The following LYPLAL1 variants were observed in gnomAD, a reference collection of about 807,000 sequenced individuals.
LYPLAL1 encodes lysophospholipase like 1, also known as lysophospholipase-like protein 1.
LYPLAL1 carries 23 observed loss-of-function variants against 19.7 expected under a neutral mutation model. The ratio of observed to expected loss-of-function variants is 1.17; its 90% CI spans 0.84 to 1.65. The LOEUF is 1.65. LYPLAL1 is among the 40% of genes most tolerant of loss of function. The pLI is 0.00. For missense variants in LYPLAL1, 355 were observed against 279.4 expected (o/e 1.27, Z -1.93); for synonymous variants, 119 against 96.3 (o/e 1.24, Z -1.38).
At chr1:219,210,976 G>T (rs1658988779) in intron 4 of LYPLAL1, among the ~76,000 whole-genome samples, 1 of 152,072 alleles carries the variant, frequency 6.6e-6, no homozygotes, top group South Asian at 2.1e-4. Context: ...TTTGCTTATT[G>T]CATCATGAAC....
At chr1:219,202,204 A>G (rs1423988509) in intron 3 of LYPLAL1, among the ~76,000 whole-genome samples, 1 of 152,194 alleles carries the variant, frequency 6.6e-6, no homozygotes, top group African/African-American at 2.4e-5. Context: ...TCTACCTTTT[A>G]AAGTTGTGGT....
chr1:219,234,986 G>A, the LYPLAL1 span, among the ~76,000 whole-genome samples: 2 of 151,952 alleles, frequency 1.3e-5, no homozygotes, highest in African/African-American at 4.8e-5. Context: ...AACAATCTGA[G>A]CCACTTAAAA....
At chr1:219,331,335 T>A in the LYPLAL1 span, among the ~76,000 whole-genome samples, 6 of 152,112 alleles carry the variant, frequency 3.9e-5, no homozygotes, top group Non-Finnish European at 7.4e-5. Context: ...CATTCCAAAC[T>A]CAGTAGCTTA....
chr1:219,367,180 A>T, the LYPLAL1 span, among the ~76,000 whole-genome samples: 1 of 152,142 alleles, frequency 6.6e-6, no homozygotes, highest in African/African-American at 2.4e-5. Context: ...AACAAAAGGC[A>T]TCATTCTATT....
the LYPLAL1 span, among the ~76,000 whole-genome samples, chr1:219,303,517 A>G: frequency 3.3e-5 from 5 of 152,224 alleles, no homozygotes; most frequent in South Asian, 1.0e-3. Flanking sequence ...GTTTCTTGTC[A>G]CCCAGTGTTA....
the LYPLAL1 span, among the ~76,000 whole-genome samples, chr1:219,329,484 A>G: frequency 1.3e-5 from 2 of 152,198 alleles, no homozygotes; most frequent in East Asian, 3.9e-4. Context: ...CAGGGTCCCA[A>G]CTGTGAAGTC....
the LYPLAL1 span, among the ~76,000 whole-genome samples, chr1:219,273,977 G>A: frequency 2.6e-4 from 40 of 152,192 alleles, no homozygotes; most frequent in Non-Finnish European, 5.6e-4. Flanking sequence ...GGCCAGGCTT[G>A]TCTCGAACTC....
At chr1:219,436,453 G>C in the LYPLAL1 span, among the ~76,000 whole-genome samples, 8 of 151,906 alleles carry the variant, frequency 5.3e-5, no homozygotes, top group South Asian at 1.5e-3. Flanking sequence ...GAACATTTTT[G>C]TGGCCCCTAA....
At chr1:219,257,405 A>C in the LYPLAL1 span, among the ~76,000 whole-genome samples, 1 of 141,898 alleles carries the variant, frequency 7.0e-6, no homozygotes, top group Non-Finnish European at 1.5e-5. Context: ...TGGGGGAACC[A>C]GCCCCCAGTG....
the LYPLAL1 span, among the ~76,000 whole-genome samples, chr1:219,218,580 G>A: frequency 6.6e-6 from 1 of 151,202 alleles, no homozygotes; most frequent in Non-Finnish European, 1.5e-5. Context: ...TTCTTCCAGT[G>A]TGGCCCAGGG....
intron 2 of LYPLAL1, among the ~76,000 whole-genome samples, chr1:219,186,282 T>C (rs1309082619): frequency 6.6e-6 from 1 of 151,916 alleles, no homozygotes; most frequent in East Asian, 1.9e-4. Context: ...TCTTGGTGAC[T>C]GTTACTGTGC....
At chr1:219,411,042 C>T in the LYPLAL1 span, among the ~76,000 whole-genome samples, 12,691 of 152,284 alleles carry the variant, frequency 0.083, 700 homozygotes, top group Non-Finnish European at 0.12. Flanking sequence ...TGCGAGCGCA[C>T]GGCACAGGAC....
the LYPLAL1 span, among the ~76,000 whole-genome samples, chr1:219,339,072 G>A: frequency 2.0e-5 from 3 of 151,758 alleles, no homozygotes; most frequent in South Asian, 2.1e-4. Context: ...CTCATACCAC[G>A]TCTGGCCCTG....
the LYPLAL1 span, among the ~76,000 whole-genome samples, chr1:219,273,664 A>G: frequency 6.6e-6 from 1 of 152,194 alleles, no homozygotes; most frequent in Non-Finnish European, 1.5e-5. Flanking sequence ...CCTTTCTTGC[A>G]TGATCTTTCT....
the LYPLAL1 span, among the ~76,000 whole-genome samples, chr1:219,391,222 G>T: frequency 6.6e-6 from 1 of 152,092 alleles, no homozygotes; most frequent in Non-Finnish European, 1.5e-5. Context: ...ATTTGCTATT[G>T]ATCCTTTCTC....
the LYPLAL1 span, among the ~76,000 whole-genome samples, chr1:219,253,260 T>C: frequency 6.6e-5 from 10 of 151,974 alleles, no homozygotes; most frequent in Non-Finnish European, 1.5e-4. Flanking sequence ...ATCTTTTTAA[T>C]AACTTTTTGT....
At chr1:219,324,618 A>T in the LYPLAL1 span, among the ~76,000 whole-genome samples, 17 of 152,226 alleles carry the variant, frequency 1.1e-4, no homozygotes, top group Non-Finnish European at 2.5e-4. Context: ...AGGAAGGAAG[A>T]AGGCTAAATC....
At chr1:219,336,899 C>T in the LYPLAL1 span, among the ~76,000 whole-genome samples, 6 of 152,024 alleles carry the variant, frequency 3.9e-5, no homozygotes, top group East Asian at 1.2e-3. Context: ...TTCAAAATTA[C>T]CATAAATTTA....
chr1:219,363,989 G>C, the LYPLAL1 span, among the ~76,000 whole-genome samples: 1 of 152,098 alleles, frequency 6.6e-6, no homozygotes, highest in African/African-American at 2.4e-5. Context: ...TCTGCTGAAG[G>C]CTTCTTGAAA....
Sources: gnomAD v4.1 joint callset for allele counts (sites outside exome capture counted in the v4.1 genomes callset) on GRCh38, gnomAD v4.1.1 for gene constraint, MANE v1.5 for transcripts, NCBI Gene and HGNC (gene_info 2026-07-23, HGNC 2026-07-21) for gene names.